PLCB1: variants seen among roughly 807,000 people sequenced by gnomAD.
PLCB1 encodes phospholipase C beta 1.
A neutral mutation model predicts 161.8 loss-of-function variants in PLCB1; 46 were observed. That is an observed-to-expected ratio of 0.28 (90% CI 0.22 to 0.36). The LOEUF (loss-of-function observed/expected upper bound fraction) is 0.36, where lower values mean the gene tolerates loss of function less well. Ranked by LOEUF, PLCB1 falls within the 10% of genes least tolerant of loss-of-function variation. The pLI, the probability that PLCB1 is intolerant of heterozygous loss-of-function variation, is 1.00. For synonymous variants in PLCB1, 517 were observed against 503.7 expected, an observed-to-expected ratio of 1.03 and a Z score of -0.35; for missense variants, 1,016 against 1,472.5, an observed-to-expected ratio of 0.69 and a Z score of 5.07.
At chr20:8,624,786 TAGTC>T (rs1988287671) in intron 3 of PLCB1, among the ~76,000 whole-genome samples, 1 of 152,326 alleles carries the variant, frequency 6.6e-6, no homozygotes, top group Non-Finnish European at 1.5e-5. Context: ...TGAATTTACT[TAGTC>T]AGACAGTCTT....
At chr20:8,309,017 A>G (rs1296158852) in intron 2 of PLCB1, among the ~76,000 whole-genome samples, 10 of 151,254 alleles carry the variant, frequency 6.6e-5, no homozygotes, top group African/African-American at 1.5e-4. Flanking sequence ...TTATTGGGGG[A>G]AAAAAAACAT....
intron 2 of PLCB1, 85 bp from the exon 3 acceptor site, chr20:8,371,297 A>C: frequency 1.2e-6 from 1 of 835,770 alleles, no homozygotes; most frequent in Non-Finnish European, 1.9e-6. Context: ...GTCTCAAGAT[A>C]ATTTTTTTAA....
intron 31 of PLCB1, among the ~76,000 whole-genome samples, chr20:8,848,382 T>C (rs1161977727): frequency 1.3e-5 from 2 of 152,136 alleles, no homozygotes; most frequent in Non-Finnish European, 2.9e-5. Flanking sequence ...AGGCTGAAAG[T>C]TCCAACCCTC....
At chr20:8,646,785 T>A (rs1989182170) in intron 5 of PLCB1, among the ~76,000 whole-genome samples, 2 of 152,202 alleles carry the variant, frequency 1.3e-5, no homozygotes, top group Admixed American at 1.3e-4. Context: ...CTAAAAATTG[T>A]TTGACCAAGG....
intron 3 of PLCB1, among the ~76,000 whole-genome samples, chr20:8,618,489 C>T (rs1303831946): frequency 6.6e-6 from 1 of 151,802 alleles, no homozygotes; most frequent in Non-Finnish European, 1.5e-5. Flanking sequence ...ACAGTGAGAC[C>T]CCATTTTCCA....
intron 31 of PLCB1, chr20:8,802,134 C>T: frequency 6.2e-7 from 1 of 1,612,460 alleles, no homozygotes; most frequent in East Asian, 2.2e-5. Context: ...TCCCCCCAAC[C>T]CTCAAGCTCT....
intron 19 of PLCB1, among the ~76,000 whole-genome samples, chr20:8,735,596 C>T (rs1198575253): frequency 2.6e-5 from 4 of 152,300 alleles, no homozygotes; most frequent in African/African-American, 4.8e-5. Context: ...ATGTTACTGA[C>T]GAGAGCATTG....
intron 2 of PLCB1, among the ~76,000 whole-genome samples, chr20:8,265,535 C>T (rs1379972747): frequency 1.3e-5 from 2 of 148,776 alleles, no homozygotes; most frequent in Non-Finnish European, 3.0e-5. Flanking sequence ...TTCATTTATG[C>T]TTTGAAAAAA....
chr20:8,512,316 C>T (rs1983923879), intron 3 of PLCB1, among the ~76,000 whole-genome samples: 1 of 152,118 alleles, frequency 6.6e-6, no homozygotes, highest in Non-Finnish European at 1.5e-5. Flanking sequence ...GGGATTTAGG[C>T]ATAGGTGCTA....
At chr20:8,532,393 G>T (rs1984850002) in intron 3 of PLCB1, among the ~76,000 whole-genome samples, 1 of 152,110 alleles carries the variant, frequency 6.6e-6, no homozygotes, top group African/African-American at 2.4e-5. Flanking sequence ...CACACATATG[G>T]TTTATGCCAC....
At chr20:8,825,028 G>T (rs1226264197) in intron 31 of PLCB1, among the ~76,000 whole-genome samples, 2 of 152,158 alleles carry the variant, frequency 1.3e-5, no homozygotes, top group Non-Finnish European at 2.9e-5. Flanking sequence ...CCCATCCCCA[G>T]ATGCCACCAT....
At chr20:8,554,933 C>CA (rs1985900878) in intron 3 of PLCB1, among the ~76,000 whole-genome samples, 1 of 151,702 alleles carries the variant, frequency 6.6e-6, no homozygotes, top group Admixed American at 6.6e-5. Flanking sequence ...GAAAATGCTC[C>CA]AAAAAACTGA....
At chr20:8,362,732 T>G (rs943158888) in intron 2 of PLCB1, among the ~76,000 whole-genome samples, 15 of 152,248 alleles carry the variant, frequency 9.9e-5, no homozygotes, top group African/African-American at 3.4e-4. Context: ...CACATTGCCT[T>G]GTGCAGACAC....
intron 2 of PLCB1, among the ~76,000 whole-genome samples, chr20:8,170,052 A>G (rs188936362): frequency 6.6e-6 from 1 of 152,246 alleles, no homozygotes; most frequent in Admixed American, 6.5e-5. Flanking sequence ...ACACTGATAT[A>G]TTCCTCCTGC....
chr20:8,765,069 T>G, intron 25 of PLCB1, 70 bp from the exon 26 acceptor site: 1 of 1,186,934 alleles, frequency 8.4e-7, no homozygotes, highest in South Asian at 1.4e-5. Context: ...CCTAAGAAGG[T>G]AGCCGCTCTT....
intron 3 of PLCB1, among the ~76,000 whole-genome samples, chr20:8,431,981 G>A (rs1360717988): frequency 6.6e-6 from 1 of 151,896 alleles, no homozygotes; most frequent in African/African-American, 2.4e-5. Flanking sequence ...TTGGCTTGTC[G>A]GCAACCACCA....
At chr20:8,517,516 C>A (rs6055873) in intron 3 of PLCB1, among the ~76,000 whole-genome samples, 1 of 151,880 alleles carries the variant, frequency 6.6e-6, no homozygotes, top group Non-Finnish European at 1.5e-5. Flanking sequence ...GTGGGCTGGG[C>A]GGGAAAACAG....
At chr20:8,453,468 G>A (rs1015134284) in intron 3 of PLCB1, among the ~76,000 whole-genome samples, 1 of 152,214 alleles carries the variant, frequency 6.6e-6, no homozygotes, top group South Asian at 2.1e-4. Context: ...CTACTTGGTA[G>A]AATTATTGTG....
chr20:8,132,814 G>A lies in PLCB1; in HGVS notation c.99+64G>A. ...GGCACCGGGCAGGGCGGGCGTCGTGGGGGTGGGGCAAGGGGCGCGTTATGC... is the reference window on the plus strand; with the variant it reads ...GGCACCGGGCAGGGCGGGCGTCGTGAGGGTGGGGCAAGGGGCGCGTTATGC... On this transcript the variant is annotated intron_variant, in intron 1 of 31. Transcript: ENST00000338037. The surrounding 1 kb of genome is among the most constrained non-coding windows in gnomAD (Gnocchi z 5.2). 1 of 1,217,292 alleles carries A rather than the reference G, an allele frequency of 8.2e-7. No individual in the cohort carries two copies. Among genetic ancestry groups the A allele is most frequent in the Non-Finnish European group, 1.2e-6 (1 of 834,924 alleles). 75.4% of individuals were successfully genotyped at this position (1,217,292 alleles called of 1,614,324 possible). A position where few individuals can be genotyped will look rare whatever the true frequency, so the allele number is the denominator to read the frequency against.
Sources: allele counts gnomAD v4.1 joint callset (sites outside exome capture counted in the v4.1 genomes callset), GRCh38; gene constraint gnomAD v4.1.1; non-coding constraint Gnocchi (gnomAD v3.1); transcripts MANE v1.5; gene names NCBI Gene and HGNC (gene_info 2026-07-23, HGNC 2026-07-21).